CIC: variants seen among roughly 807,000 people sequenced by gnomAD.
CIC encodes the protein protein capicua homolog.
Under a neutral mutation model 115.7 loss-of-function variants are expected in CIC, and 18 were observed. That is an observed-to-expected ratio of 0.16 (90% CI 0.11 to 0.23). The LOEUF (loss-of-function observed/expected upper bound fraction) is 0.23, where lower values mean the gene tolerates loss of function less well. Among genes scored for constraint, CIC ranks in the 10% least tolerant of loss-of-function variants. The probability of loss-of-function intolerance (pLI) is 1.00; values close to 1 mark genes in which losing one functional copy is unlikely to be tolerated. For missense variants in CIC, 2,000 were observed against 2,159.3 expected, an observed-to-expected ratio of 0.93 and a Z score of 1.46; for synonymous variants, 1,076 against 923.0, an observed-to-expected ratio of 1.17 and a Z score of -3.01.
Position 42,270,810 on chromosome 19 carries a change from C to G in CIC, c.-10-964C>G, listed in dbSNP as rs1174800293. On this transcript the variant is annotated intron_variant, in intron 1 of 20. Transcript: ENST00000681038. The surrounding 1 kb of genome is among the most constrained non-coding windows in gnomAD (Gnocchi z 4.1). ...AAACCCTGGGGTGTAGCTCTGTGTCCCACTGTGTGATGACGTGTGCGTGCT... is the reference window on the plus strand; with the variant it reads ...AAACCCTGGGGTGTAGCTCTGTGTCGCACTGTGTGATGACGTGTGCGTGCT... Among the ~76,000 whole-genome samples, 1 of 152,112 alleles carries G rather than the reference C, an allele frequency of 6.6e-6. No homozygotes were observed. Among genetic ancestry groups the G allele is most frequent in the Non-Finnish European group, 1.5e-5 (1 of 67,990 alleles).
rs2037887709 is a variant in CIC at position 42,289,178 on chromosome 19, C to T, written c.3862-3C>T. On this transcript the variant is annotated splice_region_variant and splice_polypyrimidine_tract_variant and intron_variant, in intron 8 of 20. Transcript: ENST00000681038. The stretch of plus-strand genomic sequence containing the variant: ...TGAACCCTCTCTGCCACCTATCCTG[C>T]AGATGGTGTCTGGCCCTGCATCGTA... 5 of 1,613,286 alleles carry T rather than the reference C, an allele frequency of 3.1e-6. No homozygotes were observed. The highest frequency in any genetic ancestry group is 4.2e-6 in the Non-Finnish European group (5 of 1,180,024).
chr19:42,283,331 T>C (rs1406921913), intron 2 of CIC, among the ~76,000 whole-genome samples: 3 of 151,938 alleles, frequency 2.0e-5, no homozygotes, highest in African/African-American at 4.8e-5. Flanking sequence ...AGGATGCGGG[T>C]TGGCGAAGCA....
intron 2 of CIC, chr19:42,284,109 C>A (rs1346063406): frequency 6.8e-6 from 1 of 148,022 alleles, no homozygotes; most frequent in Admixed American, 6.7e-5. Context: ...TCGGAGCGCA[C>A]GGACGCACGC....
Position 42,290,533 on chromosome 19 carries a change from C to G in CIC, c.4492C>G (p.Arg1498Gly). ...GGPATPSKAT[R>G]FLPMDPATFR... ...TCCAGCGACACCTTCCAAGGCAACC[C>G]GGTTCCTCCCAATGGATCCTGCCAC... is the stretch of plus-strand genomic sequence containing the variant. The change falls in exon 11 of 21, where the codon CGG (arginine) becomes GGG (glycine). Residue 1498 changes from arginine to glycine, a missense_variant. Around this residue, in one of 8 missense-constraint regions of CIC, gnomAD observed 1,466 missense variants for 1,390.4 expected, o/e 1.05. Transcript: ENST00000681038. 1.2e-6 allele frequency: 2 copies of G among 1,613,452 alleles called. No homozygotes were observed. The highest frequency in any genetic ancestry group is 1.1e-5 in the South Asian group (1 of 91,064).
At chr19:42,290,096 G>A in intron 10 of CIC, 137 bp from the exon 11 acceptor site, 1 of 1,438,270 alleles carries the variant, frequency 7.0e-7, no homozygotes, top group Non-Finnish European at 9.7e-7. Flanking sequence ...TCATAGTCAG[G>A]ATGAATTGAG....
At chr19:42,271,697 G>A (rs1184855432) in intron 1 of CIC, 77 bp from the exon 2 acceptor site, 3 of 397,910 alleles carry the variant, frequency 7.5e-6, no homozygotes, top group Non-Finnish European at 1.3e-5. Context: ...CTCAGCAAGT[G>A]GGAAATCTTA....
At chr19:42,293,519 A>G in intron 16 of CIC, 73 bp from the exon 17 acceptor site, 1 of 1,608,842 alleles carries the variant, frequency 6.2e-7, no homozygotes, top group Middle Eastern at 2.0e-4. Flanking sequence ...CTCAGATCCA[A>G]CTCTTTGTTT....
At position 42,294,315 on chromosome 19, in the gene CIC, G is replaced by T. The variant is rs755991865; in HGVS notation, c.7054+11G>T. ...CCTTTGACCGTACAGGTGCCGTGGT[G>T]GGCAGAACTTTGGGGGCCTGGGGAC... On this transcript the variant is annotated intron_variant, in intron 19 of 20. Coordinates refer to ENST00000681038, the MANE Select transcript of CIC (RefSeq NM_001386298.1). 2 of 1,612,484 alleles carry T rather than the reference G, an allele frequency of 1.2e-6. No individual in the cohort carries two copies. Among genetic ancestry groups the T allele is most frequent in the Non-Finnish European group, 8.5e-7 (1 of 1,179,998 alleles).
rs2037870699 is a variant in CIC, at chr19:42,289,010, C to A, written c.3781C>A (p.Pro1261Thr). ...AGTTGGGGGACCTGGCTCAGCCCGGCCCCGAGCTTTCTCCCACAGCGGGGT... is the reference window on the plus strand; with the variant it reads ...AGTTGGGGGACCTGGCTCAGCCCGGACCCGAGCTTTCTCCCACAGCGGGGT... ...HTVGGPGSAR[P>T]RAFSHSGVHS... Residue 1261 changes from proline to threonine, a missense_variant, in exon 8 of 21, where the codon CCC (proline) becomes ACC (threonine). Coordinates refer to ENST00000681038, the MANE Select transcript of CIC (RefSeq NM_001386298.1). 1 of 1,613,734 alleles carries A rather than the reference C, an allele frequency of 6.2e-7. No homozygotes were observed. Among genetic ancestry groups the A allele is most frequent in the Non-Finnish European group, 8.5e-7 (1 of 1,180,048 alleles).
chr19:42,285,719 T>G (rs770210642), intron 2 of CIC, among the ~76,000 whole-genome samples: 25 of 152,182 alleles, frequency 1.6e-4, no homozygotes, highest in Non-Finnish European at 3.1e-4. Context: ...CTCTGCTGGT[T>G]CCACTTCCCC....
chr19:42,278,965 G>T (rs2037102153), intron 2 of CIC, among the ~76,000 whole-genome samples: 2 of 152,230 alleles, frequency 1.3e-5, no homozygotes, highest in African/African-American at 4.8e-5. Context: ...GGGGCGGCAG[G>T]AAAGAAGCTT....
chr19:42,277,305 T>C (rs1299418156), intron 2 of CIC, among the ~76,000 whole-genome samples: 4 of 152,152 alleles, frequency 2.6e-5, no homozygotes, highest in Non-Finnish European at 5.9e-5. Flanking sequence ...TCTTGGTTCA[T>C]TGCAACCTCT....
At chr19:42,284,884 G>A (rs1950176743) in intron 2 of CIC, 2 of 971,832 alleles carry the variant, frequency 2.1e-6, no homozygotes, top group South Asian at 2.8e-5. Flanking sequence ...CAGAGTAAAG[G>A]GATGACGGGG....
At position 42,291,585 on chromosome 19, in the gene CIC, C is replaced by T. The variant is rs753325202; in HGVS notation, c.5453C>T (p.Pro1818Leu). The T allele has an allele frequency of 3.7e-6, 6 of 1,613,024 alleles. No homozygotes were observed. Among genetic ancestry groups the T allele is most frequent in the East Asian group, 2.2e-5 (1 of 44,874 alleles). ...KAQSVSPVQA[P>L]PPGGSAQLLP... ...CAGTCAGTTTCTCCCGTGCAGGCCC[C>T]GCCCCCGGGTGGCTCAGCCCAGCTG... The change falls in exon 12 of 21, where the codon CCG becomes CTG. Residue 1818 changes from proline to leucine, a missense_variant. Pro to Leu is a moderately conservative substitution (Grantham distance 98). Transcript: ENST00000681038.
rs1302469300 is a variant in CIC, at chr19:42,294,677, G to A, written c.7128G>A (p.Leu2376=). The A allele has an allele frequency of 1.2e-6, 2 of 1,613,640 alleles. No homozygotes were observed. The highest frequency in any genetic ancestry group is 1.7e-6 in the Non-Finnish European group (2 of 1,180,012). The change falls in exon 20 of 21, where the codon CTG becomes CTA. Residue 2376 remains leucine (L), a synonymous_variant. Transcript: ENST00000681038. ...CATACTCCTCCCTGCGGCGCACCCT[G>A]GACCAGCGCCGGGCCCTGGTCATGC... ...KVPYSSLRRT[L]DQRRALVMQL...
intron 2 of CIC, among the ~76,000 whole-genome samples, chr19:42,285,554 G>T (rs994911278): frequency 2.0e-5 from 3 of 152,174 alleles, no homozygotes; most frequent in African/African-American, 7.2e-5. Flanking sequence ...CCAGTGCCTC[G>T]CACAGAGCTC....
At position 42,292,702 on chromosome 19, in the gene CIC, C is replaced by T; in HGVS notation, c.6039C>T (p.Ser2013=). 1 of 1,613,802 alleles carries T rather than the reference C, an allele frequency of 6.2e-7. No homozygotes were observed. ...ACTCTGGCAGCCCTGCACCCACCTCCTCAGCACCCCTGGCCCAGCCATCCC... is the reference window on the plus strand; with the variant it reads ...ACTCTGGCAGCCCTGCACCCACCTCTTCAGCACCCCTGGCCCAGCCATCCC... ...AFYSGSPAPT[S]SAPLAQPSQA... Residue 2013 remains serine, a synonymous_variant, in exon 15 of 21, where the codon TCC becomes TCT. Coordinates refer to ENST00000681038, the MANE Select transcript of CIC (RefSeq NM_001386298.1).
At chr19:42,279,470 T>G (rs917997821) in intron 2 of CIC, among the ~76,000 whole-genome samples, 1 of 152,176 alleles carries the variant, frequency 6.6e-6, no homozygotes, top group Non-Finnish European at 1.5e-5. Context: ...GAGGTGACAT[T>G]TGAGCTGAAG....
In CIC at chr19:42,291,585, C is replaced by A. The variant is rs753325202; in HGVS notation, c.5453C>A (p.Pro1818Gln). 6.2e-7 allele frequency: 1 copy of A among 1,612,906 alleles called. No homozygotes were observed. The highest frequency in any genetic ancestry group is 1.1e-5 in the South Asian group (1 of 91,086). Residue 1818 changes from proline to glutamine, a missense_variant, in exon 12 of 21, where the codon CCG becomes CAG. Pro to Gln is a moderately conservative substitution (Grantham distance 76). Around this residue, in one of 8 missense-constraint regions of CIC, gnomAD observed 1,466 missense variants for 1,390.4 expected, o/e 1.05. Transcript: ENST00000681038. The part of the protein sequence containing the change: ...KAQSVSPVQA[P>Q]PPGGSAQLLP... ...CAGTCAGTTTCTCCCGTGCAGGCCC[C>A]GCCCCCGGGTGGCTCAGCCCAGCTG...
Sources: allele counts gnomAD v4.1 joint callset (sites outside exome capture counted in the v4.1 genomes callset), GRCh38; gene constraint gnomAD v4.1.1; regional missense constraint gnomAD v4.1.1; non-coding constraint Gnocchi (gnomAD v3.1); transcripts MANE v1.5; gene names NCBI Gene and HGNC (gene_info 2026-07-23, HGNC 2026-07-21).